FOXO3: variants seen among roughly 807,000 people sequenced by gnomAD.
FOXO3 encodes forkhead box O3.
In FOXO3, 4 loss-of-function variants were observed where a neutral mutation model predicts 41.9. That is an observed-to-expected ratio of 0.10 (90% confidence interval 0.05 to 0.22). FOXO3 has a LOEUF of 0.22. Ranked by LOEUF, FOXO3 falls within the 10% of genes least tolerant of loss-of-function variation. The pLI, the probability that FOXO3 is intolerant of heterozygous loss-of-function variation, is 1.00. For synonymous variants in FOXO3, 318 were observed against 389.3 expected (o/e 0.82, Z 2.16); for missense variants, 534 against 906.8 (o/e 0.59, Z 5.28).
chr6:108,583,342 CGGT>C (rs1776483342), intron 1 of FOXO3, among the ~76,000 whole-genome samples: 1 of 152,132 alleles, frequency 6.6e-6, no homozygotes, highest in Non-Finnish European at 1.5e-5. Context: ...AAGGATTGCC[CGGT>C]GGTAGCCCTA....
chr6:108,588,560 C>T (rs1335932764), intron 1 of FOXO3, among the ~76,000 whole-genome samples: 1 of 152,172 alleles, frequency 6.6e-6, no homozygotes, highest in East Asian at 1.9e-4. Flanking sequence ...TCCCTTCTTC[C>T]TCTGGTCTAC....
At chr6:108,610,292 C>T (rs1370532196) in intron 1 of FOXO3, among the ~76,000 whole-genome samples, 2 of 152,030 alleles carry the variant, frequency 1.3e-5, no homozygotes, top group South Asian at 2.1e-4. Context: ...GTCTAAGAGT[C>T]CTGTAAATTG....
At chr6:108,621,709 G>A (rs1777668231) in intron 1 of FOXO3, among the ~76,000 whole-genome samples, 1 of 152,126 alleles carries the variant, frequency 6.6e-6, no homozygotes, top group Non-Finnish European at 1.5e-5. Flanking sequence ...GCCTCACAGT[G>A]GCATGGTCCG....
chr6:108,627,036 C>T (rs1582792819), intron 1 of FOXO3, among the ~76,000 whole-genome samples: 2 of 152,316 alleles, frequency 1.3e-5, no homozygotes. Flanking sequence ...AGGCAGGCTT[C>T]CTAACTGTCA....
At chr6:108,661,296 T>G (rs1054730804) in intron 1 of FOXO3, among the ~76,000 whole-genome samples, 5 of 152,056 alleles carry the variant, frequency 3.3e-5, no homozygotes, top group African/African-American at 1.2e-4. Flanking sequence ...TCTACATGAA[T>G]ACAGTTCGTG....
At chr6:108,624,055 T>C (rs1777745898) in intron 1 of FOXO3, among the ~76,000 whole-genome samples, 1 of 152,204 alleles carries the variant, frequency 6.6e-6, no homozygotes, top group Admixed American at 6.5e-5. Context: ...CATAAAATCA[T>C]GTTGAGGCTG....
At position 108,630,557 on chromosome 6, in the gene FOXO3, G is replaced by A. The variant is rs1452691199; in HGVS notation, c.622-32898G>A. Reference sequence around the variant, plus strand: ...GTAGTGATATCACCTGAACTTTTGTGCTTTGGAGTGGGAGGAAGTAGTAGA... The same window carrying A: ...GTAGTGATATCACCTGAACTTTTGTACTTTGGAGTGGGAGGAAGTAGTAGA... On this transcript the variant is annotated intron_variant, in intron 1 of 2. Coordinates refer to ENST00000406360, the MANE Select transcript of FOXO3 (RefSeq NM_001455.4). Among the ~76,000 whole-genome samples the A allele has an allele frequency of 2.6e-5, 4 of 152,104 alleles. No homozygotes were observed. In the East Asian group the frequency reaches 7.7e-4, roughly 29 times the overall value.
chr6:108,574,522 T>C (rs1292168661), intron 1 of FOXO3, among the ~76,000 whole-genome samples: 2 of 152,254 alleles, frequency 1.3e-5, no homozygotes, highest in Non-Finnish European at 2.9e-5. Flanking sequence ...GCAGAAGTTT[T>C]GCTGCCAAAT....
chr6:108,569,702 C>CA (rs1352221953), intron 1 of FOXO3, among the ~76,000 whole-genome samples: 1 of 152,126 alleles, frequency 6.6e-6, no homozygotes, highest in Non-Finnish European at 1.5e-5. Context: ...AGGCTCACCA[C>CA]ACCTTGGTGT....
intron 1 of FOXO3, among the ~76,000 whole-genome samples, chr6:108,620,765 G>T (rs1777643985): frequency 6.6e-6 from 1 of 152,164 alleles, no homozygotes; most frequent in Non-Finnish European, 1.5e-5. Flanking sequence ...ACCTGGGGTG[G>T]GAGTAGGGGA....
chr6:108,569,141 G>A (rs1776022425), intron 1 of FOXO3, among the ~76,000 whole-genome samples: 1 of 152,204 alleles, frequency 6.6e-6, no homozygotes, highest in African/African-American at 2.4e-5. Context: ...CAAGTTTTCT[G>A]TCCATGGATT....
chr6:108,649,510 C>T (rs141883562), intron 1 of FOXO3, among the ~76,000 whole-genome samples: 3 of 149,418 alleles, frequency 2.0e-5, no homozygotes, highest in Non-Finnish European at 4.5e-5. Context: ...CACCACCACC[C>T]TCAGCTTTTT....
intron 1 of FOXO3, among the ~76,000 whole-genome samples, chr6:108,596,323 T>G: frequency 6.6e-6 from 1 of 150,878 alleles, no homozygotes; most frequent in East Asian, 1.9e-4. Flanking sequence ...TGGATATGAT[T>G]TCAGGGGCTT....
At chr6:108,629,176 G>A (rs553430474) in intron 1 of FOXO3, among the ~76,000 whole-genome samples, 39 of 152,212 alleles carry the variant, frequency 2.6e-4, no homozygotes, top group Non-Finnish European at 4.1e-4. Flanking sequence ...TGGTGGTGGC[G>A]GTGTGGTGAT....
intron 1 of FOXO3, among the ~76,000 whole-genome samples, chr6:108,632,441 C>G (rs907763337): frequency 1.3e-5 from 2 of 152,156 alleles, no homozygotes; most frequent in African/African-American, 2.4e-5. Context: ...CAACTATGCT[C>G]TTTTCTAAAA....
chr6:108,639,560 C>T (rs1778200783), intron 1 of FOXO3: 3 of 985,256 alleles, frequency 3.0e-6, no homozygotes, highest in Non-Finnish European at 3.6e-6. Flanking sequence ...ACAGCAATGA[C>T]AGTGGCCCTT....
rs928981338 is a variant in FOXO3 at position 108,574,602 on chromosome 6, C to G, written c.621+12773C>G. ...CGTCTCTTTGCAGTGCAGTTACTGACGGGTTTAAGAGCAGGCTGCCAAGAT... is the reference window on the plus strand; with the variant it reads ...CGTCTCTTTGCAGTGCAGTTACTGAGGGGTTTAAGAGCAGGCTGCCAAGAT... On this transcript the variant is annotated intron_variant, in intron 1 of 2. Transcript: ENST00000406360. 2.0e-5 allele frequency among the ~76,000 whole-genome samples: 3 copies of G among 152,214 alleles called. No homozygotes were observed. In the East Asian group the frequency reaches 5.8e-4, roughly 29 times the overall value.
chr6:108,644,687 A>G (rs747506276), intron 1 of FOXO3, among the ~76,000 whole-genome samples: 7 of 152,050 alleles, frequency 4.6e-5, no homozygotes, highest in Admixed American at 2.0e-4. Context: ...AGGTACACCC[A>G]TCCGCTCCAT....
chr6:108,642,945 G>A (rs1329310526), intron 1 of FOXO3, among the ~76,000 whole-genome samples: 1 of 152,176 alleles, frequency 6.6e-6, no homozygotes, highest in Non-Finnish European at 1.5e-5. Flanking sequence ...TTTTGTTGCT[G>A]CAGCTTGTTT....
Sources: allele counts gnomAD v4.1 joint callset (sites outside exome capture counted in the v4.1 genomes callset), GRCh38; gene constraint gnomAD v4.1.1; transcripts MANE v1.5; gene names NCBI Gene and HGNC (gene_info 2026-07-23, HGNC 2026-07-21).